CRYBG3: variants seen among roughly 807,000 people sequenced by gnomAD.
CRYBG3 encodes the protein crystallin beta-gamma domain containing 3.
CRYBG3 carries 127 observed loss-of-function variants against 244.2 expected under a neutral mutation model. The observed-to-expected ratio is 0.52, with a 90% CI of 0.45 to 0.60. CRYBG3 has a LOEUF of 0.60. CRYBG3 is among the 20% of genes least tolerant of loss of function. The probability of loss-of-function intolerance (pLI) is 0.00; values close to 1 mark genes in which losing one functional copy is unlikely to be tolerated. For missense variants in CRYBG3, 3,325 were observed against 3,442.5 expected (o/e 0.97, Z 0.85); for synonymous variants, 1,132 against 1,195.8 (o/e 0.95, Z 1.10).
intron 1 of CRYBG3, among the ~76,000 whole-genome samples, chr3:97,833,692 A>G (rs1019411197): frequency 2.6e-5 from 4 of 152,166 alleles, no homozygotes; most frequent in African/African-American, 9.7e-5. Context: ...TGTTCTGGAC[A>G]TGTATCCCAG....
chr3:97,864,318 A>G lies in CRYBG3; in HGVS notation c.318A>G (p.Ser106=). The G allele has an allele frequency of 6.5e-7, 1 of 1,535,954 alleles. No individual in the cohort carries two copies. Among genetic ancestry groups the G allele is most frequent in the Non-Finnish European group, 8.7e-7 (1 of 1,146,788 alleles). ...CATATGATCTTTCCAGTTCCACTTCAGATACCAAAATAGGAGAAAGTGACA... is the reference window on the plus strand; with the variant it reads ...CATATGATCTTTCCAGTTCCACTTCGGATACCAAAATAGGAGAAAGTGACA... ...KKAYDLSSST[S]DTKIGESDRQ... Residue 106 remains serine, a synonymous_variant, in exon 3 of 22, where the codon TCA becomes TCG. Coordinates refer to ENST00000389622, the MANE Select transcript of CRYBG3 (RefSeq NM_153605.4).
chr3:97,873,433 G>C lies in CRYBG3; in HGVS notation c.2239G>C (p.Gly747Arg), dbSNP rs554785329. The C allele has an allele frequency of 4.9e-5, 75 of 1,535,074 alleles. No homozygotes were observed. The highest frequency in any genetic ancestry group is 5.9e-5 in the Non-Finnish European group (68 of 1,146,604). ...TAGTGAAAAATGCCAGGTTCTTCCA[G>C]GTTCTGAAGCCAGTGGCCCTCACTT... ...SNSEKCQVLP[G>R]SEASGPHLTG... Residue 747 changes from glycine (G) to arginine (R), a missense_variant, in exon 4 of 22, where the codon GGT (glycine) becomes CGT (arginine). Around this residue, in one of 4 missense-constraint regions of CRYBG3, gnomAD observed 1,526 missense variants for 1,443.2 expected, o/e 1.06. Transcript: ENST00000389622.
chr3:97,840,789 A>G (rs528645088), intron 1 of CRYBG3: 6 of 152,266 alleles, frequency 3.9e-5, no homozygotes, highest in African/African-American at 1.4e-4. Flanking sequence ...AGTAGTTTTT[A>G]GGTAGATCAT....
In CRYBG3 at chr3:97,917,477, T is replaced by G. The variant is rs556124929; in HGVS notation, c.8241+1741T>G. Among the ~76,000 whole-genome samples the G allele has an allele frequency of 5.3e-5, 8 of 152,276 alleles. No homozygotes were observed. In the South Asian group the frequency reaches 1.7e-3, roughly 32 times the overall value. On this transcript the variant is annotated intron_variant, in intron 17 of 21. Transcript: ENST00000389622. Reference sequence around the variant, plus strand: ...TAATATACTGAAAATATTTAAAACATCTTTTGCGAAGATGTGTTATAGCAG... The same window carrying G: ...TAATATACTGAAAATATTTAAAACAGCTTTTGCGAAGATGTGTTATAGCAG...
rs2040302217 is a variant in CRYBG3, at chr3:97,944,348, T to C, written c.*1034T>C. ...TCATTACCACCTTTTACTGCACAAT[T>C]CACAAGCATGTTTTCCTGGTGAATT... On this transcript the variant is annotated 3_prime_UTR_variant, in exon 22 of 22. Coordinates refer to ENST00000389622, the MANE Select transcript of CRYBG3 (RefSeq NM_153605.4). 1.3e-5 allele frequency: 2 copies of C among 152,260 alleles called. No individual in the cohort carries two copies. The highest frequency in any genetic ancestry group is 1.5e-5 in the Non-Finnish European group (1 of 67,910). 9.4% of individuals were successfully genotyped at this position (152,260 alleles called of 1,614,324 possible).
chr3:97,937,481 G>A (rs832087), intron 19 of CRYBG3, among the ~76,000 whole-genome samples: 100 of 152,116 alleles, frequency 6.6e-4, no homozygotes, highest in African/African-American at 2.2e-3. Flanking sequence ...CCTCTGTATC[G>A]TGTTCTTCCC....
intron 1 of CRYBG3, among the ~76,000 whole-genome samples, chr3:97,823,215 C>T (rs138096097): frequency 1.3e-5 from 2 of 152,232 alleles, no homozygotes; most frequent in East Asian, 1.9e-4. Flanking sequence ...TTAAGTAAAA[C>T]GCAGCTCGCT....
In CRYBG3 at chr3:97,873,083, C is replaced by G. The variant is rs2039324937; in HGVS notation, c.1889C>G (p.Pro630Arg). Residue 630 changes from proline (P) to arginine (R), a missense_variant, in exon 4 of 22, where the codon CCT becomes CGT. Physicochemically the swap from Pro to Arg is moderately radical, Grantham distance 103. This residue lies in a region of CRYBG3 where 1,526 missense variants were observed against 1,443.2 expected (regional missense o/e 1.06). Transcript: ENST00000389622. ...GAAACTCCTCTTGACTCTGAGAGTC[C>G]TCAACAAGCTGAAGTATCACCTGAT... ...ISETPLDSESPQQAEVSPDAK... is the reference protein window; with the variant it reads ...ISETPLDSESRQQAEVSPDAK... 6.5e-7 allele frequency: 1 copy of G among 1,534,658 alleles called. No individual in the cohort carries two copies. The highest frequency in any genetic ancestry group is 1.4e-5 in the African/African-American group (1 of 72,942).
chr3:97,842,677 T>C (rs77439689), intron 1 of CRYBG3, among the ~76,000 whole-genome samples: 2,000 of 152,270 alleles, frequency 0.013, 35 homozygotes, highest in African/African-American at 0.045. Flanking sequence ...GAAATCAGAT[T>C]TTAAGGTGCC....
At chr3:97,847,543 A>T (rs1163039580) in intron 2 of CRYBG3, among the ~76,000 whole-genome samples, 1 of 152,262 alleles carries the variant, frequency 6.6e-6, no homozygotes, top group Non-Finnish European at 1.5e-5. Flanking sequence ...CATAAACTTC[A>T]TTTATCAAAA....
chr3:97,934,467 C>T (rs1449803617), intron 18 of CRYBG3, among the ~76,000 whole-genome samples: 1 of 151,928 alleles, frequency 6.6e-6, no homozygotes, highest in Non-Finnish European at 1.5e-5. Context: ...TAAACCAGCC[C>T]CTACTCCTGC....
At chr3:97,856,356 G>C (rs1228721420) in intron 2 of CRYBG3, among the ~76,000 whole-genome samples, 1 of 152,004 alleles carries the variant, frequency 6.6e-6, no homozygotes, top group Non-Finnish European at 1.5e-5. Flanking sequence ...TACAATTTGT[G>C]CAGTTAATGC....
At chr3:97,822,727 C>T (rs1348924127) in intron 1 of CRYBG3, among the ~76,000 whole-genome samples, 1 of 152,218 alleles carries the variant, frequency 6.6e-6, no homozygotes, top group South Asian at 2.1e-4. Context: ...GGCGTCCCGC[C>T]TGCAGTAATG....
At position 97,899,178 on chromosome 3, in the gene CRYBG3, A is replaced by G; in HGVS notation, c.7886A>G (p.Tyr2629Cys). Residue 2629 changes from tyrosine to cysteine, a missense_variant, in exon 14 of 22, where the codon TAC (tyrosine) becomes TGC (cysteine). Tyr to Cys is a radical substitution (Grantham distance 194, BLOSUM62 -2). Coordinates refer to ENST00000389622, the MANE Select transcript of CRYBG3 (RefSeq NM_153605.4). ...CAAAAGTTCTTCTGTGGAGAACAAT[A>G]CATTTTAGAAAAAGGGAAATACAAA... is the stretch of plus-strand genomic sequence containing the variant. ...YQQKFFCGEQ[Y>C]ILEKGKYKCF... 6.2e-7 allele frequency: 1 copy of G among 1,613,800 alleles called. No individual in the cohort carries two copies. The highest frequency in any genetic ancestry group is 1.1e-5 in the South Asian group (1 of 91,040).
chr3:97,929,817 C>A (rs1227785650), intron 17 of CRYBG3, among the ~76,000 whole-genome samples: 1 of 151,888 alleles, frequency 6.6e-6, no homozygotes, highest in East Asian at 1.9e-4. Flanking sequence ...TCATCTTGTA[C>A]AATTTTTTTC....
intron 11 of CRYBG3, among the ~76,000 whole-genome samples, chr3:97,895,529 T>G (rs2039629970): frequency 6.6e-6 from 1 of 152,176 alleles, no homozygotes; most frequent in Admixed American, 6.5e-5. Flanking sequence ...TGAATCAATG[T>G]TTCATGTAAA....
chr3:97,860,993 A>G (rs1191968910), intron 2 of CRYBG3, among the ~76,000 whole-genome samples: 1 of 151,870 alleles, frequency 6.6e-6, no homozygotes, highest in South Asian at 2.1e-4. Context: ...CCTGCCACTT[A>G]CCCAGAGCCC....
chr3:97,910,541 C>T (rs907113015), intron 15 of CRYBG3, among the ~76,000 whole-genome samples: 3 of 152,196 alleles, frequency 2.0e-5, no homozygotes, highest in Non-Finnish European at 2.9e-5. Context: ...CTTTCTTTGA[C>T]TCAGAAAGGG....
At chr3:97,920,914 G>A (rs2039977513) in intron 17 of CRYBG3, among the ~76,000 whole-genome samples, 1 of 152,100 alleles carries the variant, frequency 6.6e-6, no homozygotes, top group Admixed American at 6.6e-5. Flanking sequence ...TTCTAAAACT[G>A]TTGTGATGGG....
Sources: gnomAD v4.1 joint callset for allele counts (sites outside exome capture counted in the v4.1 genomes callset) on GRCh38, gnomAD v4.1.1 for gene constraint, gnomAD v4.1.1 regional missense constraint, MANE v1.5 for transcripts, NCBI Gene and HGNC (gene_info 2026-07-23, HGNC 2026-07-21) for gene names.